RIT2: variants seen among roughly 807,000 people sequenced by gnomAD.
RIT2 encodes GTP-binding protein Rit2.
RIT2 carries 24 observed loss-of-function variants against 23.7 expected under a neutral mutation model. The observed-to-expected ratio is 1.01, with a 90% CI of 0.73 to 1.43. The LOEUF (loss-of-function observed/expected upper bound fraction) is 1.43. Among genes scored for constraint, RIT2 ranks in the 40% most tolerant of loss-of-function variants. The probability of loss-of-function intolerance (pLI) is 0.00; values close to 1 mark genes in which losing one functional copy is unlikely to be tolerated. For synonymous variants in RIT2, 107 were observed against 91.1 expected (o/e 1.17, Z -0.99); for missense variants, 236 against 266.9 (o/e 0.88, Z 0.81).
intron 4 of RIT2, among the ~76,000 whole-genome samples, chr18:42,893,582 T>C (rs1908241424): frequency 6.6e-6 from 1 of 152,174 alleles, no homozygotes; most frequent in Admixed American, 6.5e-5. Context: ...AATAGATATT[T>C]TGGGGGGACA....
intron 2 of RIT2, among the ~76,000 whole-genome samples, chr18:43,032,016 T>C (rs1445023799): frequency 6.6e-6 from 1 of 152,034 alleles, no homozygotes; most frequent in African/African-American, 2.4e-5. Flanking sequence ...CAATGGAAAA[T>C]TGCTAACCAA....
intron 4 of RIT2, among the ~76,000 whole-genome samples, chr18:42,864,037 G>C (rs190049948): frequency 1.5e-5 from 2 of 134,316 alleles, no homozygotes; most frequent in Non-Finnish European, 3.2e-5. Flanking sequence ...GATTGTATAA[G>C]AAAATGAAAA....
rs1446084921 is a variant in RIT2 at position 42,920,662 on chromosome 18, C to A, written c.426+2910G>T. The A allele has an allele frequency of 2.0e-6, 3 of 1,476,412 alleles. No homozygotes were observed. In the Admixed American group the frequency reaches 5.2e-5, roughly 26 times the overall value. The allele number at this position is 1,476,412 out of a possible 1,614,324, so 91.5% of individuals were successfully genotyped here. ...TTTTAGAAAGGGCCCTGGGATTTCC[C>A]AAAATGCATTAAGAATACAGGCACC... On this transcript the variant is annotated intron_variant, in intron 4 of 4. Coordinates refer to ENST00000326695, the MANE Select transcript of RIT2 (RefSeq NM_002930.4).
intron 4 of RIT2, among the ~76,000 whole-genome samples, chr18:42,764,727 T>C (rs1913380751): frequency 6.6e-6 from 1 of 152,260 alleles, no homozygotes; most frequent in South Asian, 2.1e-4. Context: ...TTGAATGGAT[T>C]GGATTCACAA....
intron 4 of RIT2, among the ~76,000 whole-genome samples, chr18:42,919,447 C>T (rs1908997995): frequency 2.0e-5 from 3 of 152,082 alleles, no homozygotes; most frequent in Admixed American, 1.3e-4. Flanking sequence ...GGCGCAGTAG[C>T]TTATGCCTGT....
intron 4 of RIT2, among the ~76,000 whole-genome samples, chr18:42,887,328 T>A (rs1455101265): frequency 1.3e-5 from 2 of 152,206 alleles, no homozygotes; most frequent in South Asian, 4.1e-4. Context: ...AAAAACATCA[T>A]GTTATTTAAG....
intron 1 of RIT2, among the ~76,000 whole-genome samples, chr18:43,056,614 C>T (rs1486374637): frequency 2.0e-5 from 3 of 152,084 alleles, no homozygotes; most frequent in Non-Finnish European, 4.4e-5. Flanking sequence ...CATTTTATTA[C>T]ACCTTGAACA....
intron 4 of RIT2, among the ~76,000 whole-genome samples, chr18:42,915,516 C>A (rs1165786987): frequency 1.3e-5 from 2 of 151,998 alleles, no homozygotes; most frequent in African/African-American, 4.8e-5. Flanking sequence ...TTTCCCGAAG[C>A]CTTTTCTGGC....
intron 4 of RIT2, among the ~76,000 whole-genome samples, chr18:42,768,825 T>G (rs1283336824): frequency 6.6e-6 from 1 of 152,160 alleles, no homozygotes; most frequent in African/African-American, 2.4e-5. Context: ...GATAGATATT[T>G]ATCACTGCTT....
intron 1 of RIT2, among the ~76,000 whole-genome samples, chr18:43,073,320 T>C (rs1043182538): frequency 6.6e-6 from 1 of 152,224 alleles, no homozygotes; most frequent in African/African-American, 2.4e-5. Context: ...GGTGCTATCA[T>C]ATGCTGGATA....
chr18:42,919,243 C>T (rs552658299), intron 4 of RIT2, among the ~76,000 whole-genome samples: 1 of 152,216 alleles, frequency 6.6e-6, no homozygotes, highest in East Asian at 1.9e-4. Context: ...AGAAATGAAA[C>T]TATTTTAATT....
At chr18:42,774,060 C>T (rs989101208) in intron 4 of RIT2, among the ~76,000 whole-genome samples, 2 of 152,162 alleles carry the variant, frequency 1.3e-5, no homozygotes, top group Non-Finnish European at 2.9e-5. Context: ...AGCAATTCAT[C>T]AGTGTCACCA....
chr18:43,103,351 G>A (rs1166898876), intron 1 of RIT2, among the ~76,000 whole-genome samples: 2 of 152,232 alleles, frequency 1.3e-5, no homozygotes, highest in East Asian at 3.9e-4. Context: ...CACGGGAAAA[G>A]AAAGACAATA....
At chr18:42,774,166 GT>G (rs764176864) in intron 4 of RIT2, among the ~76,000 whole-genome samples, 7 of 151,020 alleles carry the variant, frequency 4.6e-5, no homozygotes, top group South Asian at 2.1e-4. Flanking sequence ...TTTACAAAAT[GT>G]TTTTTTTTCT....
At chr18:43,017,305 T>C (rs1911497373) in intron 2 of RIT2, among the ~76,000 whole-genome samples, 1 of 152,042 alleles carries the variant, frequency 6.6e-6, no homozygotes, top group African/African-American at 2.4e-5. Flanking sequence ...CATGTCTACA[T>C]GAATACTTTT....
intron 4 of RIT2, among the ~76,000 whole-genome samples, chr18:42,857,690 G>T (rs767082902): frequency 6.6e-6 from 1 of 152,166 alleles, no homozygotes. Flanking sequence ...AAGTGGCTAT[G>T]CCCTGGATGT....
intron 3 of RIT2, among the ~76,000 whole-genome samples, chr18:42,950,152 A>C (rs746882165): frequency 1.3e-5 from 2 of 152,054 alleles, no homozygotes; most frequent in African/African-American, 2.4e-5. Flanking sequence ...CTAGTTAATT[A>C]AATACTATAA....
At chr18:43,065,311 G>A (rs531506066) in intron 1 of RIT2, among the ~76,000 whole-genome samples, 17 of 138,958 alleles carry the variant, frequency 1.2e-4, no homozygotes, top group African/African-American at 4.6e-4. Context: ...GCTCACTGTA[G>A]TCTAAAACTC....
At chr18:42,856,036 C>G (rs1907172711) in intron 4 of RIT2, among the ~76,000 whole-genome samples, 2 of 152,064 alleles carry the variant, frequency 1.3e-5, no homozygotes, top group South Asian at 4.1e-4. Context: ...TTCTTCTGCC[C>G]TCCTGTTTCT....
Sources: allele counts gnomAD v4.1 joint callset (sites outside exome capture counted in the v4.1 genomes callset), GRCh38; gene constraint gnomAD v4.1.1; transcripts MANE v1.5; gene names NCBI Gene and HGNC (gene_info 2026-07-23, HGNC 2026-07-21).